ENTHD1: variants seen among roughly 807,000 people sequenced by gnomAD.
ENTHD1 encodes ENTH domain-containing protein 1.
ENTHD1 carries 23 observed loss-of-function variants against 39.1 expected under a neutral mutation model. The observed-to-expected ratio is 0.59, with a 90% CI of 0.42 to 0.83. The LOEUF is 0.83. Ranked by LOEUF, ENTHD1 falls within the 40% of genes least tolerant of loss-of-function variation. The pLI is 0.00. For missense variants in ENTHD1, 624 were observed against 705.4 expected (o/e 0.88, Z 1.31); for synonymous variants, 230 against 258.2 (o/e 0.89, Z 1.05).
At chr22:39,824,685 G>A (rs1783108701) in intron 4 of ENTHD1, among the ~76,000 whole-genome samples, 1 of 152,080 alleles carries the variant, frequency 6.6e-6, no homozygotes, top group African/African-American at 2.4e-5. Context: ...CTCCTACATT[G>A]AATTTCCTTT....
chr22:39,768,081 C>T (rs1034109932), intron 5 of ENTHD1, among the ~76,000 whole-genome samples: 3 of 152,156 alleles, frequency 2.0e-5, no homozygotes, highest in Non-Finnish European at 2.9e-5. Context: ...TTTACTTATA[C>T]AGAAAGCTAA....
chr22:39,826,361 CT>C (rs549687805), intron 4 of ENTHD1, among the ~76,000 whole-genome samples: 1 of 151,554 alleles, frequency 6.6e-6, no homozygotes, highest in Non-Finnish European at 1.5e-5. Context: ...ACTTATTTAT[CT>C]TTTTTTTCAA....
At chr22:39,862,609 A>C (rs771757168) in intron 2 of ENTHD1, among the ~76,000 whole-genome samples, 5 of 152,124 alleles carry the variant, frequency 3.3e-5, no homozygotes, top group African/African-American at 7.2e-5. Context: ...CAATATAGGC[A>C]TACAAAGAAG....
intron 6 of ENTHD1, among the ~76,000 whole-genome samples, chr22:39,745,188 C>T (rs1272888498): frequency 6.6e-6 from 1 of 152,150 alleles, no homozygotes; most frequent in Non-Finnish European, 1.5e-5. Context: ...CTTTCTTAAA[C>T]ATGGAACTTT....
At chr22:39,883,802 T>C (rs1468129733) in intron 2 of ENTHD1, among the ~76,000 whole-genome samples, 1 of 137,042 alleles carries the variant, frequency 7.3e-6, no homozygotes, top group African/African-American at 2.8e-5. Flanking sequence ...TTGCAGTGGC[T>C]GAGATCATGC....
intron 5 of ENTHD1, among the ~76,000 whole-genome samples, chr22:39,809,802 T>A (rs2065671784): frequency 6.6e-6 from 1 of 152,186 alleles, no homozygotes; most frequent in African/African-American, 2.4e-5. Flanking sequence ...ACTGGGGTCC[T>A]GGAGCAGTAA....
chr22:39,843,618 GA>G lies in ENTHD1; in HGVS notation c.593-7661del, dbSNP rs902461975. 4.0e-3 allele frequency among the ~76,000 whole-genome samples: 586 copies of G among 144,846 alleles called. 4 individuals carry two copies. Among genetic ancestry groups the G allele is most frequent in the African/African-American group, 0.012 (489 of 39,444 alleles). On this transcript the variant is annotated intron_variant, in intron 3 of 6. Transcript: ENST00000325157. ...TAAAACTTAAAGTATAATAATAAAAGAAAAAAAAAAACTACCAGTGAGGAGG... is the reference window on the plus strand; with the variant it reads ...TAAAACTTAAAGTATAATAATAAAAGAAAAAAAAAACTACCAGTGAGGAGG...
chr22:39,888,235 C>T (rs2066398086), intron 1 of ENTHD1, among the ~76,000 whole-genome samples: 1 of 149,986 alleles, frequency 6.7e-6, no homozygotes, highest in South Asian at 2.1e-4. Flanking sequence ...AACTTGCACT[C>T]TGACATCTCT....
chr22:39,843,903 G>C (rs2065966618), intron 3 of ENTHD1, among the ~76,000 whole-genome samples: 1 of 152,146 alleles, frequency 6.6e-6, no homozygotes, highest in Non-Finnish European at 1.5e-5. Context: ...AGAGTGCCTT[G>C]ATCTTGAAGC....
At chr22:39,861,535 G>A (rs576909337) in intron 3 of ENTHD1, among the ~76,000 whole-genome samples, 91 of 151,810 alleles carry the variant, frequency 6.0e-4, no homozygotes, top group African/African-American at 1.7e-3. Context: ...GCAAGATTCC[G>A]TCTCAAAAAT....
At chr22:39,817,341 C>T (rs1260345918) in intron 5 of ENTHD1, among the ~76,000 whole-genome samples, 1 of 152,142 alleles carries the variant, frequency 6.6e-6, no homozygotes, top group Non-Finnish European at 1.5e-5. Flanking sequence ...ATCAAAATGT[C>T]ATCAGCAAGG....
intron 5 of ENTHD1, among the ~76,000 whole-genome samples, chr22:39,801,447 T>C (rs1411281925): frequency 6.6e-6 from 1 of 152,210 alleles, no homozygotes; most frequent in Non-Finnish European, 1.5e-5. Context: ...TGTTGTACAA[T>C]AGTGCTATCA....
At chr22:39,809,399 AC>A (rs776162578) in intron 5 of ENTHD1, among the ~76,000 whole-genome samples, 6 of 152,220 alleles carry the variant, frequency 3.9e-5, no homozygotes, top group African/African-American at 7.2e-5. Context: ...GAGGAGCACC[AC>A]TGGCAGTGGG....
chr22:39,862,752 C>A (rs1004144246), intron 2 of ENTHD1, among the ~76,000 whole-genome samples: 1 of 152,010 alleles, frequency 6.6e-6, no homozygotes, highest in African/African-American at 2.4e-5. Context: ...TATATGTACA[C>A]GGAAGAGAGA....
At chr22:39,765,190 G>GTA (rs2065265483) in intron 6 of ENTHD1, 33 bp downstream of exon 6, 3 of 1,538,650 alleles carry the variant, frequency 1.9e-6, no homozygotes, top group Non-Finnish European at 2.6e-6. Flanking sequence ...GTGTGTGTGT[G>GTA]TGTGTGTGTG....
In ENTHD1 at chr22:39,763,345, A is replaced by G. The variant is rs139454421; in HGVS notation, c.1219+1878T>C. Among the ~76,000 whole-genome samples the G allele has an allele frequency of 3.3e-4, 50 of 152,328 alleles. 1 individual carries two copies. The highest frequency in any genetic ancestry group is 1.1e-3 in the African/African-American group (47 of 41,586). On this transcript the variant is annotated intron_variant, in intron 6 of 6. Coordinates refer to ENST00000325157, the MANE Select transcript of ENTHD1 (RefSeq NM_152512.4). The stretch of plus-strand genomic sequence containing the variant: ...TCATCCTGAACGCATGTAGCTTAGC[A>G]GTAGGCAAATGTTTTGAAATGACAA...
intron 6 of ENTHD1, among the ~76,000 whole-genome samples, chr22:39,755,363 G>A (rs139079141): frequency 0.017 from 2,546 of 152,236 alleles, 41 homozygotes; most frequent in Middle Eastern, 0.031. Flanking sequence ...TCTGGTCAGA[G>A]GGAACAACCG....
chr22:39,756,905 A>G (rs886127643), intron 6 of ENTHD1, among the ~76,000 whole-genome samples: 1 of 152,152 alleles, frequency 6.6e-6, no homozygotes, highest in Non-Finnish European at 1.5e-5. Context: ...ACTTGAAATT[A>G]GGTAGTAGGA....
intron 4 of ENTHD1, among the ~76,000 whole-genome samples, chr22:39,829,790 CAATAAATAAATAAATAAATA>C (rs10657076): frequency 7.0e-6 from 1 of 143,332 alleles, no homozygotes; most frequent in Non-Finnish European, 1.5e-5. Context: ...GACTCTGTCT[CAATAAATAAATAAATAAATA>C]AATAAATAAA....
Sources: gnomAD v4.1 joint callset for allele counts (sites outside exome capture counted in the v4.1 genomes callset) on GRCh38, gnomAD v4.1.1 for gene constraint, MANE v1.5 for transcripts, NCBI Gene and HGNC (gene_info 2026-07-23, HGNC 2026-07-21) for gene names.